The following CFI variants were observed in gnomAD, a reference collection of about 807,000 sequenced individuals.
CFI encodes the protein C3B/C4B inactivator.
A neutral mutation model predicts 78.8 loss-of-function variants in CFI; 66 were observed. That is an observed-to-expected ratio of 0.84 (90% confidence interval 0.69 to 1.03). CFI has a LOEUF of 1.03. CFI is among the 50% of genes least tolerant of loss of function. The pLI is 0.00. For missense variants in CFI, 706 were observed against 704.5 expected (o/e 1.00, Z -0.02); for synonymous variants, 250 against 232.6 (o/e 1.07, Z -0.68).
chr4:109,752,466 A>C lies in CFI; in HGVS notation c.940+2T>G. The stretch of plus-strand genomic sequence containing the variant: ...CAATAAAAAAGTATAACGTTAGCTT[A>C]CCTGCATCCATGTCAGCAGTCAAAA... On this transcript the variant is annotated splice_donor_variant, in intron 8 of 12. Coordinates refer to ENST00000394634, the MANE Select transcript of CFI (RefSeq NM_000204.5). LOFTEE classifies it high-confidence loss of function. 6.2e-7 allele frequency: 1 copy of C among 1,613,438 alleles called. No homozygotes were observed. Among genetic ancestry groups the C allele is most frequent in the Non-Finnish European group, 8.5e-7 (1 of 1,179,590 alleles).
At chr4:109,743,995 A>C (rs531556326) in intron 11 of CFI, among the ~76,000 whole-genome samples, 2 of 152,248 alleles carry the variant, frequency 1.3e-5, no homozygotes, top group South Asian at 4.1e-4. Flanking sequence ...AAAAAAAAAA[A>C]TCCAGATAAA....
intron 10 of CFI, among the ~76,000 whole-genome samples, chr4:109,748,804 A>G (rs1452402384): frequency 6.6e-6 from 1 of 152,210 alleles, no homozygotes; most frequent in African/African-American, 2.4e-5. Flanking sequence ...TCTTATCCTA[A>G]GAGGAATGCA....
chr4:109,801,806 G>T, intron 1 of CFI, 109 bp downstream of exon 1: 1 of 728,626 alleles, frequency 1.4e-6, no homozygotes, highest in South Asian at 1.9e-5. Flanking sequence ...TGTTGTAACT[G>T]AACTATGTAA....
At chr4:109,738,132 T>A (rs1253901949), downstream of CFI, among the ~76,000 whole-genome samples, 6 of 75,034 alleles carry the variant, frequency 8.0e-5, no homozygotes, top group Non-Finnish European at 1.1e-4. Context: ...TTTTTTTTTT[T>A]AAGACGAGGT....
chr4:109,760,018 T>G, intron 6 of CFI: 1 of 624,078 alleles, frequency 1.6e-6, no homozygotes, highest in Non-Finnish European at 2.9e-6. Flanking sequence ...TACTTAAGGA[T>G]TGGTTCTAAT....
intron 6 of CFI, among the ~76,000 whole-genome samples, chr4:109,759,293 G>T (rs1477575216): frequency 2.0e-5 from 3 of 151,634 alleles, no homozygotes; most frequent in Admixed American, 6.6e-5. Flanking sequence ...AAAAATTGGG[G>T]TAGGGAGGTG....
chr4:109,749,384 A>G (rs1449999990), intron 9 of CFI, 63 bp from the exon 10 acceptor site: 15 of 1,524,188 alleles, frequency 9.8e-6, no homozygotes, highest in Middle Eastern at 1.7e-4. Flanking sequence ...CAGCCCTAAG[A>G]TATTTCCATG....
At chr4:109,769,930 T>G (rs1314925899) in intron 1 of CFI, among the ~76,000 whole-genome samples, 1 of 152,130 alleles carries the variant, frequency 6.6e-6, no homozygotes, top group Non-Finnish European at 1.5e-5. Flanking sequence ...GTACTAGTTC[T>G]TTTTTCTCCT....
intron 1 of CFI, among the ~76,000 whole-genome samples, chr4:109,801,502 T>A (rs1240784091): frequency 1.3e-5 from 2 of 152,226 alleles, no homozygotes; most frequent in South Asian, 2.1e-4. Flanking sequence ...TGTTTTCAGA[T>A]GTTTCAAATT....
chr4:109,746,219 T>C lies in CFI; in HGVS notation c.1429+3A>G, dbSNP rs779836449. The C allele has an allele frequency of 1.2e-6, 2 of 1,614,122 alleles. No individual in the cohort carries two copies. The highest frequency in any genetic ancestry group is 2.2e-5 in the South Asian group (2 of 91,082). On this transcript the variant is annotated splice_donor_region_variant and intron_variant, in intron 11 of 12. Coordinates refer to ENST00000394634, the MANE Select transcript of CFI (RefSeq NM_000204.5). ...TCTGATTAACAAACTGTAAAACATATACCTTTTTCTCGTCCCCAGCCAGAA... is the reference window on the plus strand; with the variant it reads ...TCTGATTAACAAACTGTAAAACATACACCTTTTTCTCGTCCCCAGCCAGAA...
intron 1 of CFI, among the ~76,000 whole-genome samples, chr4:109,787,725 C>T (rs1023509523): frequency 2.6e-5 from 4 of 151,560 alleles, no homozygotes; most frequent in Non-Finnish European, 5.9e-5. Flanking sequence ...TTTTTAGTCT[C>T]TCTAAAAAAC....
intron 4 of CFI, among the ~76,000 whole-genome samples, chr4:109,761,293 C>T (rs960123141): frequency 6.6e-6 from 1 of 152,182 alleles, no homozygotes; most frequent in Non-Finnish European, 1.5e-5. Context: ...AGTCAGGCAA[C>T]TTTGCTTCCC....
Position 109,744,097 on chromosome 4 carries a change from T to A in CFI, c.1430-1502A>T, listed in dbSNP as rs957733992. On this transcript the variant is annotated intron_variant, in intron 11 of 12. Coordinates refer to ENST00000394634, the MANE Select transcript of CFI (RefSeq NM_000204.5). ...TTAAATTTTAAATAAAAGGAAGGGG[T>A]AACTATTCTAGATTAAAACATTTAA... Among the ~76,000 whole-genome samples the A allele has an allele frequency of 7.2e-5, 11 of 152,278 alleles. No individual in the cohort carries two copies. In the South Asian group the frequency reaches 1.2e-3, roughly 17 times the overall value.
At chr4:109,759,265 A>AAT (rs1554028703) in intron 6 of CFI, among the ~76,000 whole-genome samples, 100 of 150,560 alleles carry the variant, frequency 6.6e-4, no homozygotes, top group South Asian at 1.5e-3. Flanking sequence ...AAAAAAAAAA[A>AAT]AATAATAATA....
At position 109,766,540 on chromosome 4, in the gene CFI, T is replaced by C. The variant is rs780206504; in HGVS notation, c.328+14A>G. The C allele has an allele frequency of 3.7e-6, 6 of 1,613,956 alleles. No individual in the cohort carries two copies. Among genetic ancestry groups the C allele is most frequent in the African/African-American group, 1.3e-5 (1 of 75,054 alleles). The stretch of plus-strand genomic sequence containing the variant: ...TTATATCATAGAATGACTTGAAAAC[T>C]AGTCTCTTGCTACCTTCGGCTGTGC... On this transcript the variant is annotated intron_variant, in intron 2 of 12. Coordinates refer to ENST00000394634, the MANE Select transcript of CFI (RefSeq NM_000204.5).
chr4:109,787,181 G>A (rs1023299571), intron 1 of CFI, among the ~76,000 whole-genome samples: 1 of 152,040 alleles, frequency 6.6e-6, no homozygotes, highest in Non-Finnish European at 1.5e-5. Context: ...CTGGTACAAT[G>A]ATGATTTCCC....
rs540844005 is a variant in CFI at position 109,788,517 on chromosome 4, T to C, written c.57+13398A>G. On this transcript the variant is annotated intron_variant, in intron 1 of 12. Transcript: ENST00000394634. Reference sequence around the variant, plus strand: ...ACATCCTAACCATATCTTTCAGTGATATAGATTTTTTCTTGTTTTTTGTAG... The same window carrying C: ...ACATCCTAACCATATCTTTCAGTGACATAGATTTTTTCTTGTTTTTTGTAG... Among the ~76,000 whole-genome samples, 13 of 152,212 alleles carry C rather than the reference T, an allele frequency of 8.5e-5. No homozygotes were observed. The South Asian group carries it at 2.7e-3, about 32-fold the overall frequency.
At chr4:109,788,382 A>C (rs1038898216) in intron 1 of CFI, among the ~76,000 whole-genome samples, 1 of 152,112 alleles carries the variant, frequency 6.6e-6, no homozygotes, top group East Asian at 1.9e-4. Flanking sequence ...TCTTGATTAC[A>C]GAGTATATAT....
At chr4:109,781,190 GA>G (rs112330783) in intron 1 of CFI, among the ~76,000 whole-genome samples, 1 of 150,876 alleles carries the variant, frequency 6.6e-6, no homozygotes, top group Admixed American at 6.6e-5. Context: ...AATGAAATTG[GA>G]AAAAAAAGTT....
Sources: allele counts gnomAD v4.1 joint callset (sites outside exome capture counted in the v4.1 genomes callset), GRCh38; gene constraint gnomAD v4.1.1; transcripts MANE v1.5; gene names NCBI Gene and HGNC (gene_info 2026-07-23, HGNC 2026-07-21).